PER2: variants seen among roughly 807,000 people sequenced by gnomAD.
PER2 encodes period circadian protein homolog 2.
In PER2, 66 loss-of-function variants were observed where a neutral mutation model predicts 121.0. The ratio of observed to expected loss-of-function variants is 0.55; its 90% CI spans 0.45 to 0.67. The LOEUF is 0.67. PER2 is among the 30% of genes least tolerant of loss of function. PER2 has a pLI of 0.00. For missense variants in PER2, 1,521 were observed against 1,635.0 expected, an observed-to-expected ratio of 0.93 and a Z score of 1.20; for synonymous variants, 684 against 659.9, an observed-to-expected ratio of 1.04 and a Z score of -0.56.
At position 238,258,663 on chromosome 2, in the gene PER2, T is replaced by G; in HGVS notation, c.1628-19A>C. 1 of 1,612,980 alleles carries G rather than the reference T, an allele frequency of 6.2e-7. No individual in the cohort carries two copies. The highest frequency in any genetic ancestry group is 8.5e-7 in the Non-Finnish European group (1 of 1,179,322). On this transcript the variant is annotated intron_variant, in intron 14 of 22. Transcript: ENST00000254657. ...TGCATTTCTGAAGGAATGGCAAAAT[T>G]GTTCTTTCATTCATTTTTCTCCCAC...
chr2:238,253,596 C>CTCAGATGAGTCTCGAGGTT lies in PER2; in HGVS notation c.2408_2426dup (p.Ser810ThrfsTer6). 6.2e-7 allele frequency: 1 copy of CTCAGATGAGTCTCGAGGTT among 1,610,384 alleles called. No homozygotes were observed. The highest frequency in any genetic ancestry group is 8.5e-7 in the Non-Finnish European group (1 of 1,178,380). On this transcript the variant is annotated stop_gained and frameshift_variant, in exon 19 of 23. Transcript: ENST00000254657. LOFTEE classifies it high-confidence loss of function. This position sits in a 1 kb window ranked among gnomAD's most constrained non-coding sequence, Gnocchi z 5.6. ...ACACGGGCCCCCCAGATCCGGTGCT[C>CTCAGATGAGTCTCGAGGTT]TCAGATGAGTCTCGAGGTTTGACCC... is the stretch of plus-strand genomic sequence containing the variant.
At chr2:238,265,204 G>A (rs1483859714) in intron 9 of PER2, among the ~76,000 whole-genome samples, 1 of 152,208 alleles carries the variant, frequency 6.6e-6, no homozygotes, top group African/African-American at 2.4e-5. Context: ...GGCATCTCCG[G>A]CTTCCACCCT....
intron 8 of PER2, among the ~76,000 whole-genome samples, chr2:238,265,851 G>A (rs548537973): frequency 7.4e-4 from 113 of 152,012 alleles, no homozygotes; most frequent in African/African-American, 2.4e-3. Flanking sequence ...AAAACCACAC[G>A]GACCACGTAA....
intron 8 of PER2, among the ~76,000 whole-genome samples, chr2:238,267,492 TG>T (rs1302802527): frequency 6.6e-6 from 1 of 152,078 alleles, no homozygotes; most frequent in Non-Finnish European, 1.5e-5. Flanking sequence ...CAGCAAGCCT[TG>T]TATGGAGGCT....
At chr2:238,249,856 C>T in intron 21 of PER2, among the ~76,000 whole-genome samples, 1 of 152,218 alleles carries the variant, frequency 6.6e-6, no homozygotes. Flanking sequence ...GCTTGCTTCT[C>T]CTCCCTTCCA....
chr2:238,259,998 G>A lies in PER2; in HGVS notation c.1598C>T (p.Ser533Phe), dbSNP rs1385360344. The change falls in exon 14 of 23, where the codon TCT (serine) becomes TTT (phenylalanine). Residue 533 changes from serine to phenylalanine, a missense_variant. Ser to Phe is a radical substitution (Grantham distance 155). Transcript: ENST00000254657. The part of the protein sequence containing the change: ...TKNRSHYSHE[S>F]GEQKKKSVTE... ...AACGGATTTTTTCTTTTGTTCTCCA[G>A]ATTCATGAGAATAATGACTTCTATT... is the stretch of plus-strand genomic sequence containing the variant. 6.7e-7 allele frequency: 1 copy of A among 1,501,628 alleles called. No individual in the cohort carries two copies. The highest frequency in any genetic ancestry group is 9.2e-7 in the Non-Finnish European group (1 of 1,082,956). 93.0% of individuals were successfully genotyped at this position (1,501,628 alleles called of 1,614,324 possible). A position where few individuals can be genotyped will look rare whatever the true frequency, so the allele number is the denominator to read the frequency against.
chr2:238,277,154 G>A lies in PER2; in HGVS notation c.270C>T (p.His90=), dbSNP rs758133046. The change falls in exon 3 of 23, where the codon CAC becomes CAT. Residue 90 remains histidine (H), a synonymous_variant. Transcript: ENST00000254657. Reference sequence around the variant, plus strand: ...ACCTGCAGCCACTTGTAGATGGGTTGTGTTCAGATTTTGCCATCATCAGGC... The same window carrying A: ...ACCTGCAGCCACTTGTAGATGGGTTATGTTCAGATTTTGCCATCATCAGGC... ...TFSLMMAKSE[H]NPSTSGCSSD... is the part of the protein sequence containing the mutation. The A allele has an allele frequency of 5.0e-6, 8 of 1,612,976 alleles. No homozygotes were observed. The highest frequency in any genetic ancestry group is 6.8e-6 in the Non-Finnish European group (8 of 1,179,070).
At chr2:238,249,860 C>G (rs1218738221) in intron 21 of PER2, among the ~76,000 whole-genome samples, 1 of 152,356 alleles carries the variant, frequency 6.6e-6, no homozygotes, top group East Asian at 1.9e-4. Context: ...GCTTCTCCTC[C>G]CTTCCACCAT....
chr2:238,265,306 C>A (rs904754208), intron 9 of PER2, among the ~76,000 whole-genome samples: 2 of 152,200 alleles, frequency 1.3e-5, no homozygotes, highest in African/African-American at 4.8e-5. Flanking sequence ...TCAATTAGAT[C>A]AACAGCTCTC....
chr2:238,254,116 A>G (rs1695691341), intron 18 of PER2: 1 of 252,112 alleles, frequency 4.0e-6, no homozygotes, highest in African/African-American at 2.3e-5. Context: ...GACCTCCTCT[A>G]TTTTTCAATT....
intron 13 of PER2, 123 bp from the exon 14 acceptor site, chr2:238,260,176 G>C (rs1397329664): frequency 1.6e-6 from 1 of 640,014 alleles, no homozygotes; most frequent in Non-Finnish European, 2.9e-6. Context: ...CTGTGGATGA[G>C]AAATCTGACA....
the PER2 span, among the ~76,000 whole-genome samples, chr2:238,296,639 G>C: frequency 1.2e-4 from 14 of 119,034 alleles, 2 homozygotes; most frequent in African/African-American, 4.7e-4. Context: ...TGCAGAGTCA[G>C]TCGTGTGCCC....
chr2:238,267,919 C>T, intron 8 of PER2, 137 bp downstream of exon 8: 1 of 920,830 alleles, frequency 1.1e-6, no homozygotes, highest in Middle Eastern at 2.4e-4. Flanking sequence ...GGAGACCCTG[C>T]CCAAGGTGAG....
In PER2 at chr2:238,258,358, T is replaced by C. The variant is rs1221732286; in HGVS notation, c.1818A>G (p.Lys606=). The change falls in exon 16 of 23, where the codon AAA becomes AAG. Residue 606 remains lysine (K), a synonymous_variant. Transcript: ENST00000254657. ...SCNEAATLKR[K]CEFPANVPAL... The stretch of plus-strand genomic sequence containing the variant: ...CTGGGACGTTTGCTGGGAACTCGCA[T>C]TTCCTCTTCAGGGTGGCAGCCTCAT... The C allele has an allele frequency of 1.9e-6, 3 of 1,614,226 alleles. No individual in the cohort carries two copies. The highest frequency in any genetic ancestry group is 1.7e-6 in the Non-Finnish European group (2 of 1,180,030).
At chr2:238,247,827 T>C (rs755013119) in intron 22 of PER2, among the ~76,000 whole-genome samples, 11 of 152,148 alleles carry the variant, frequency 7.2e-5, no homozygotes, top group Non-Finnish European at 1.6e-4. Context: ...TTTGCAACCA[T>C]TTATTCTGAT....
upstream of PER2, among the ~76,000 whole-genome samples, chr2:238,294,417 G>A (rs956329147): frequency 1.3e-5 from 2 of 152,180 alleles, no homozygotes; most frequent in Non-Finnish European, 2.9e-5. Flanking sequence ...CCTGATCCTG[G>A]GTGACACTAA....
intron 19 of PER2, among the ~76,000 whole-genome samples, 155 bp from the exon 20 acceptor site, chr2:238,251,916 A>G (rs1695614688): frequency 6.6e-6 from 1 of 152,150 alleles, no homozygotes; most frequent in African/African-American, 2.4e-5. Context: ...TAACGAGCAG[A>G]CCACGCATCA....
In PER2 at chr2:238,251,684, C is replaced by T; in HGVS notation, c.3189G>A (p.Glu1063=). ...CAGAGCCCGAGGCTGAGCAGAGGTC[C>T]TCATTCAGCAGGAGGTTTAGGAGGC... ...SSGLLNLLLN[E]DLCSASGSAA... The change falls in exon 20 of 23, where the codon GAG becomes GAA. Residue 1063 remains glutamate, a synonymous_variant. Coordinates refer to ENST00000254657, the MANE Select transcript of PER2 (RefSeq NM_022817.3). 1 of 1,613,960 alleles carries T rather than the reference C, an allele frequency of 6.2e-7. No homozygotes were observed. Among genetic ancestry groups the T allele is most frequent in the South Asian group, 1.1e-5 (1 of 91,080 alleles).
chr2:238,245,065 A>AG lies in PER2; in HGVS notation c.*1309_*1310insC, dbSNP rs1486775196. ...TCTAAAAAAAAAAAAAAAAAAAAAA[A>AG]AAAAAGAAAACCCTGGTCCCTTTTA... On this transcript the variant is annotated 3_prime_UTR_variant, in exon 23 of 23. Coordinates refer to ENST00000254657, the MANE Select transcript of PER2 (RefSeq NM_022817.3). 5.3e-5 allele frequency: 8 copies of AG among 151,126 alleles called. No homozygotes were observed. The highest frequency in any genetic ancestry group is 2.0e-4 in the Admixed American group (3 of 15,186). The allele number at this position is 151,126 out of a possible 1,614,324, so 9.4% of individuals were successfully genotyped here.
Sources: allele counts gnomAD v4.1 joint callset (sites outside exome capture counted in the v4.1 genomes callset), GRCh38; gene constraint gnomAD v4.1.1; non-coding constraint Gnocchi (gnomAD v3.1); transcripts MANE v1.5; gene names NCBI Gene and HGNC (gene_info 2026-07-23, HGNC 2026-07-21).